TTBK2: variants seen among roughly 807,000 people sequenced by gnomAD.
TTBK2 encodes the protein tau-tubulin kinase 2.
A neutral mutation model predicts 110.8 loss-of-function variants in TTBK2; 28 were observed. That is an observed-to-expected ratio of 0.25 (90% CI 0.19 to 0.35). TTBK2 has a LOEUF of 0.35. TTBK2 is among the 10% of genes least tolerant of loss of function. The pLI is 1.00. For missense variants in TTBK2, 1,369 were observed against 1,500.3 expected, an observed-to-expected ratio of 0.91 and a Z score of 1.45; for synonymous variants, 532 against 527.3, an observed-to-expected ratio of 1.01 and a Z score of -0.12.
intron 1 of TTBK2, among the ~76,000 whole-genome samples, chr15:42,900,720 C>T (rs2029941823): frequency 6.6e-6 from 1 of 151,786 alleles, no homozygotes; most frequent in Non-Finnish European, 1.5e-5. Context: ...AGACTCCATC[C>T]CCCCACCAAA....
At chr15:42,792,473 C>G (rs1293556559) in intron 10 of TTBK2, among the ~76,000 whole-genome samples, 1 of 152,034 alleles carries the variant, frequency 6.6e-6, no homozygotes, top group African/African-American at 2.4e-5. Context: ...TTGAATTATG[C>G]ATATTTTTAC....
rs771731759 is a variant in TTBK2 at position 42,745,786 on chromosome 15, G to T, written c.*9C>A. On this transcript the variant is annotated 3_prime_UTR_variant, in exon 15 of 15. Coordinates refer to ENST00000267890, the MANE Select transcript of TTBK2 (RefSeq NM_173500.4). ...ATCTCACACCTTTCAAAGAGATGCA[G>T]CCTGGCTCCTATCTGCTGAGTTTAC... 1 of 1,613,824 alleles carries T rather than the reference G, an allele frequency of 6.2e-7. No individual in the cohort carries two copies. Among genetic ancestry groups the T allele is most frequent in the Non-Finnish European group, 8.5e-7 (1 of 1,179,988 alleles).
At chr15:42,895,943 C>G (rs976425835) in intron 1 of TTBK2, among the ~76,000 whole-genome samples, 4 of 152,176 alleles carry the variant, frequency 2.6e-5, no homozygotes, top group African/African-American at 7.2e-5. Context: ...CTTCTCTCAG[C>G]CCCTGGAAAT....
At chr15:42,795,252 CCTT>C (rs1890885002) in intron 9 of TTBK2, among the ~76,000 whole-genome samples, 2 of 143,222 alleles carry the variant, frequency 1.4e-5, no homozygotes, top group African/African-American at 5.6e-5. Context: ...ATTGTGCTTT[CCTT>C]CATTTTTTTT....
Position 42,743,251 on chromosome 15 carries a change from A to C in TTBK2, c.*2544T>G, listed in dbSNP as rs1380795018. 1 of 152,236 alleles carries C rather than the reference A, an allele frequency of 6.6e-6. No individual in the cohort carries two copies. The highest frequency in any genetic ancestry group is 1.5e-5 in the Non-Finnish European group (1 of 68,024). The allele number at this position is 152,236 out of a possible 1,614,324, so 9.4% of individuals were successfully genotyped here. A position where few individuals can be genotyped will look rare whatever the true frequency, so the allele number is the denominator to read the frequency against. ...GATGAGTTTGTCAATGCCATTTAGA[A>C]AAGGGGACAACACACTAGAAAAGTT... On this transcript the variant is annotated 3_prime_UTR_variant, in exon 15 of 15. Transcript: ENST00000267890.
chr15:42,816,923 AAT>A, intron 7 of TTBK2, 107 bp downstream of exon 7: 1 of 591,792 alleles, frequency 1.7e-6, no homozygotes, highest in Non-Finnish European at 2.3e-6. Context: ...TGTCTCAACA[AAT>A]ATACATATAT....
intron 3 of TTBK2, among the ~76,000 whole-genome samples, chr15:42,868,418 G>A (rs1299344665): frequency 6.6e-6 from 1 of 152,124 alleles, no homozygotes; most frequent in Non-Finnish European, 1.5e-5. Flanking sequence ...CTGTGGGGAT[G>A]ATGATACTGA....
At position 42,789,854 on chromosome 15, in the gene TTBK2, T is replaced by TACACACAC. The variant is rs58536399; in HGVS notation, c.980+4782_980+4789dup. Among the ~76,000 whole-genome samples the TACACACAC allele has an allele frequency of 9.7e-3, 1,434 of 147,866 alleles. 22 individuals are homozygous for TACACACAC. Among genetic ancestry groups the TACACACAC allele is most frequent in the African/African-American group, 0.027 (1,093 of 40,102 alleles). On this transcript the variant is annotated intron_variant, in intron 10 of 14. Coordinates refer to ENST00000267890, the MANE Select transcript of TTBK2 (RefSeq NM_173500.4). The stretch of plus-strand genomic sequence containing the variant: ...CATATATATATACAAATACATACAA[T>TACACACAC]ACACACACACACACACACACACATA...
rs1035569391 is a variant in TTBK2, at chr15:42,849,737, G to A, written c.218-9304C>T. Among the ~76,000 whole-genome samples, 7 of 151,486 alleles carry A rather than the reference G, an allele frequency of 4.6e-5. No individual in the cohort carries two copies. In the East Asian group the frequency reaches 1.2e-3, roughly 27 times the overall value. The stretch of plus-strand genomic sequence containing the variant: ...ATGTGTTCCATAAGTACCCCACGTG[G>A]TTTCCCATTTGGGATGTGGGCAGTG... On this transcript the variant is annotated intron_variant, in intron 3 of 14. Coordinates refer to ENST00000267890, the MANE Select transcript of TTBK2 (RefSeq NM_173500.4).
chr15:42,851,039 C>T (rs1473029356), intron 3 of TTBK2, among the ~76,000 whole-genome samples: 3 of 151,566 alleles, frequency 2.0e-5, no homozygotes, highest in East Asian at 3.9e-4. Context: ...TCCTGGCTAA[C>T]ACAGTGAGAC....
intron 1 of TTBK2, among the ~76,000 whole-genome samples, chr15:42,906,257 C>T (rs142058411): frequency 6.6e-6 from 1 of 152,130 alleles, no homozygotes; most frequent in Non-Finnish European, 1.5e-5. Context: ...GAAACAGTCA[C>T]ATTCACAGAC....
chr15:42,838,348 T>C (rs940695285), intron 4 of TTBK2, among the ~76,000 whole-genome samples: 9 of 151,708 alleles, frequency 5.9e-5, no homozygotes, highest in Non-Finnish European at 1.2e-4. Context: ...GTGACTATAA[T>C]TCAGGGTGTG....
At chr15:42,868,317 T>G (rs556465781) in intron 3 of TTBK2, among the ~76,000 whole-genome samples, 2 of 152,196 alleles carry the variant, frequency 1.3e-5, no homozygotes, top group Non-Finnish European at 2.9e-5. Context: ...GCCCACAGAA[T>G]GTTCAATAAG....
intron 1 of TTBK2, among the ~76,000 whole-genome samples, chr15:42,892,704 C>CAAAAAAA (rs35331798): frequency 5.3e-5 from 2 of 37,908 alleles, no homozygotes; most frequent in Non-Finnish European, 9.7e-5. Flanking sequence ...GACCCTGTCT[C>CAAAAAAA]AAAAAAAAAA....
At chr15:42,881,529 T>C (rs1895050558) in intron 1 of TTBK2, among the ~76,000 whole-genome samples, 1 of 151,076 alleles carries the variant, frequency 6.6e-6, no homozygotes. Context: ...ACCCTAGAAA[T>C]GAATAGAAAG....
At chr15:42,749,430 C>T (rs1350452470) in intron 14 of TTBK2, among the ~76,000 whole-genome samples, 2 of 152,208 alleles carry the variant, frequency 1.3e-5, no homozygotes, top group Non-Finnish European at 2.9e-5. Context: ...TATTTCAGAT[C>T]TTAGCACAGT....
chr15:42,758,654 C>CAAAAAAA (rs59064527), intron 13 of TTBK2, among the ~76,000 whole-genome samples: 1 of 66,470 alleles, frequency 1.5e-5, no homozygotes, highest in Admixed American at 1.8e-4. Context: ...GATTCCATCT[C>CAAAAAAA]AAAAAAAAAA....
At chr15:42,793,307 A>G (rs1208162352) in intron 10 of TTBK2, among the ~76,000 whole-genome samples, 1 of 152,216 alleles carries the variant, frequency 6.6e-6, no homozygotes, top group Non-Finnish European at 1.5e-5. Context: ...CTTAGACATG[A>G]TAGTCAGTGA....
intron 8 of TTBK2, among the ~76,000 whole-genome samples, chr15:42,811,081 T>C (rs1012616515): frequency 1.6e-4 from 25 of 152,116 alleles, no homozygotes; most frequent in African/African-American, 6.0e-4. Flanking sequence ...GCCTCGACCT[T>C]TGAGACTCAA....
Sources: gnomAD v4.1 joint callset for allele counts (sites outside exome capture counted in the v4.1 genomes callset) on GRCh38, gnomAD v4.1.1 for gene constraint, MANE v1.5 for transcripts, NCBI Gene and HGNC (gene_info 2026-07-23, HGNC 2026-07-21) for gene names.